The following RGS20 variants were observed in gnomAD, a reference collection of about 807,000 sequenced individuals.
RGS20 encodes regulator of G protein signaling 20.
A neutral mutation model predicts 33.6 loss-of-function variants in RGS20; 30 were observed. The observed-to-expected ratio is 0.89, with a 90% CI of 0.67 to 1.21. The LOEUF is 1.21. Ranked by LOEUF, RGS20 falls within the 50% of genes most tolerant of loss-of-function variation. The pLI is 0.00. For synonymous variants in RGS20, 208 were observed against 197.9 expected (o/e 1.05, Z -0.43); for missense variants, 472 against 502.4 (o/e 0.94, Z 0.58).
At chr8:53,867,397 C>A (rs1008678615) in intron 1 of RGS20, among the ~76,000 whole-genome samples, 3 of 152,158 alleles carry the variant, frequency 2.0e-5, no homozygotes, top group Non-Finnish European at 2.9e-5. Flanking sequence ...TACTAACATC[C>A]ATCTTCAAAA....
chr8:53,866,196 C>T (rs1407331664), intron 1 of RGS20, among the ~76,000 whole-genome samples: 1 of 152,002 alleles, frequency 6.6e-6, no homozygotes, highest in Non-Finnish European at 1.5e-5. Context: ...ATTTTAGGAA[C>T]GGAAGGAACA....
At chr8:53,892,307 T>C (rs541170254) in intron 2 of RGS20, among the ~76,000 whole-genome samples, 70 of 152,318 alleles carry the variant, frequency 4.6e-4, no homozygotes, top group African/African-American at 1.6e-3. Context: ...ACATTTGGGT[T>C]GGTTCCAAGT....
intron 4 of RGS20, among the ~76,000 whole-genome samples, chr8:53,947,414 T>A (rs1367763636): frequency 1.5e-5 from 2 of 130,634 alleles, no homozygotes; most frequent in East Asian, 4.7e-4. Context: ...TATAGTACAT[T>A]TATATATGCT....
chr8:53,867,560 T>C (rs1811948588), intron 1 of RGS20, among the ~76,000 whole-genome samples: 1 of 152,220 alleles, frequency 6.6e-6, no homozygotes, highest in Non-Finnish European at 1.5e-5. Context: ...CACTCTTTAC[T>C]GTGTAAAATG....
intron 2 of RGS20, among the ~76,000 whole-genome samples, chr8:53,924,456 A>G (rs1041085541): frequency 6.6e-6 from 1 of 151,850 alleles, no homozygotes; most frequent in Non-Finnish European, 1.5e-5. Context: ...CCAAAGTGCT[A>G]GGATTACAGG....
In RGS20 at chr8:53,889,818, T is replaced by G. The variant is rs556658742; in HGVS notation, c.510+10216T>G. On this transcript the variant is annotated intron_variant, in intron 2 of 5. Coordinates refer to ENST00000297313, the MANE Select transcript of RGS20 (RefSeq NM_170587.4). ...CCTTTACACTCTCATTCCATTATCT[T>G]TTGACTTTCCTAGTTTCTGTTGGAA... Among the ~76,000 whole-genome samples the G allele has an allele frequency of 3.3e-5, 5 of 152,220 alleles. No homozygotes were observed. In the South Asian group the frequency reaches 1.0e-3, roughly 32 times the overall value.
intron 2 of RGS20, chr8:53,879,945 A>C (rs1585879432): frequency 2.9e-4 from 69 of 240,198 alleles, no homozygotes; most frequent in East Asian, 4.0e-4. Context: ...CCTCCCCCAA[A>C]CGCGCCTCCG....
intron 2 of RGS20, among the ~76,000 whole-genome samples, chr8:53,882,034 G>A (rs1235594779): frequency 1.3e-5 from 2 of 152,052 alleles, no homozygotes; most frequent in African/African-American, 4.8e-5. Context: ...GGGGCCTCTA[G>A]GGAAGCGGCG....
intron 4 of RGS20, among the ~76,000 whole-genome samples, chr8:53,951,972 G>A (rs571010943): frequency 1.0e-3 from 150 of 148,738 alleles, no homozygotes; most frequent in Middle Eastern, 7.4e-3. Context: ...AGCCGAGATC[G>A]CGCCACTGCA....
At chr8:53,935,313 A>T (rs1017946618) in intron 2 of RGS20, among the ~76,000 whole-genome samples, 2 of 152,212 alleles carry the variant, frequency 1.3e-5, no homozygotes, top group Non-Finnish European at 2.9e-5. Flanking sequence ...CAATGAATCA[A>T]GGAGCTGGTT....
intron 1 of RGS20, chr8:53,852,206 A>C: frequency 1.3e-6 from 1 of 752,262 alleles, no homozygotes; most frequent in Non-Finnish European, 2.0e-6. Flanking sequence ...AACCATCCCC[A>C]AGGGAAATCT....
chr8:53,868,430 C>T (rs1585867696), intron 1 of RGS20, among the ~76,000 whole-genome samples: 2 of 152,146 alleles, frequency 1.3e-5, no homozygotes, highest in African/African-American at 4.8e-5. Context: ...AGTTCTACTA[C>T]TTACTCACGC....
chr8:53,873,267 T>A (rs932004986), intron 1 of RGS20, among the ~76,000 whole-genome samples: 1 of 152,152 alleles, frequency 6.6e-6, no homozygotes, highest in Non-Finnish European at 1.5e-5. Context: ...TGCAGAACCA[T>A]GAACCAATTA....
chr8:53,865,855 G>C (rs1298143293), intron 1 of RGS20, among the ~76,000 whole-genome samples: 1 of 152,154 alleles, frequency 6.6e-6, no homozygotes, highest in Non-Finnish European at 1.5e-5. Flanking sequence ...TGATCTACCT[G>C]CCTCAATGTT....
At chr8:53,860,607 T>A (rs1247220922) in intron 1 of RGS20, among the ~76,000 whole-genome samples, 1 of 152,182 alleles carries the variant, frequency 6.6e-6, no homozygotes, top group Non-Finnish European at 1.5e-5. Flanking sequence ...TGTGGCTCCA[T>A]GTTCTCATTC....
intron 1 of RGS20, among the ~76,000 whole-genome samples, chr8:53,869,573 G>A (rs1193691649): frequency 6.6e-6 from 1 of 152,108 alleles, no homozygotes; most frequent in Non-Finnish European, 1.5e-5. Flanking sequence ...CTACTCGGGA[G>A]GCTGAGGCAG....
Position 53,958,615 on chromosome 8 carries a change from C to A in RGS20, c.*157C>A. 1 of 368,410 alleles carries A rather than the reference C, an allele frequency of 2.7e-6. No individual in the cohort carries two copies. The allele number at this position is 368,410 out of a possible 1,614,324, so 22.8% of individuals were successfully genotyped here. On this transcript the variant is annotated 3_prime_UTR_variant, in exon 6 of 6. Coordinates refer to ENST00000297313, the MANE Select transcript of RGS20 (RefSeq NM_170587.4). ...CTTCAACAGACTGCTATATATTCAC[C>A]ATGTAAACTGCAGCCACCTTTAGTG...
chr8:53,897,272 G>A (rs915542648), intron 2 of RGS20, among the ~76,000 whole-genome samples: 7 of 152,202 alleles, frequency 4.6e-5, no homozygotes, highest in African/African-American at 1.2e-4. Flanking sequence ...CCCAGCACAA[G>A]CAGACTGGGC....
At chr8:53,907,946 G>A (rs1269657023) in intron 2 of RGS20, among the ~76,000 whole-genome samples, 2 of 151,958 alleles carry the variant, frequency 1.3e-5, no homozygotes, top group African/African-American at 2.4e-5. Flanking sequence ...TACTCACAAT[G>A]CCAGCCCAGA....
Sources: allele counts gnomAD v4.1 joint callset (sites outside exome capture counted in the v4.1 genomes callset), GRCh38; gene constraint gnomAD v4.1.1; transcripts MANE v1.5; gene names NCBI Gene and HGNC (gene_info 2026-07-23, HGNC 2026-07-21).